Variants in LMX1A observed in about 807,000 individuals in gnomAD.
The protein encoded by LMX1A is LIM homeobox transcription factor 1-alpha.
In LMX1A, 15 loss-of-function variants were observed where a neutral mutation model predicts 49.1. The ratio of observed to expected loss-of-function variants is 0.31; its 90% CI spans 0.20 to 0.47. The LOEUF (loss-of-function observed/expected upper bound fraction) is 0.47, where lower values mean the gene tolerates loss of function less well. LMX1A is among the 20% of genes least tolerant of loss of function. The pLI, the probability that LMX1A is intolerant of heterozygous loss-of-function variation, is 1.00. For synonymous variants in LMX1A, 167 were observed against 185.7 expected (o/e 0.90, Z 0.82); for missense variants, 372 against 475.8 (o/e 0.78, Z 2.03).
At chr1:165,260,426 T>G (rs1275325612) in intron 3 of LMX1A, among the ~76,000 whole-genome samples, 1 of 151,992 alleles carries the variant, frequency 6.6e-6, no homozygotes, top group Admixed American at 6.5e-5. Context: ...GGGAAGATTC[T>G]GGGATCTCAG....
chr1:165,328,935 G>C (rs1655662370), intron 3 of LMX1A, among the ~76,000 whole-genome samples: 1 of 152,192 alleles, frequency 6.6e-6, no homozygotes, highest in Non-Finnish European at 1.5e-5. Flanking sequence ...ATGTGCATCA[G>C]GGCATACCTC....
rs1654480126 is a variant in LMX1A at position 165,291,938 on chromosome 1, T to G, written c.264-42298A>C. ...TTAGCCGGGCATGGTGGCGCGCGCT[T>G]GTAGTCCCAGCTACACGGGAGGCTG... On this transcript the variant is annotated intron_variant, in intron 3 of 8. Coordinates refer to ENST00000342310, the MANE Select transcript of LMX1A (RefSeq NM_177398.4). Among the ~76,000 whole-genome samples the G allele has an allele frequency of 3.3e-5, 5 of 151,830 alleles. 1 individual carries two copies. The highest frequency in any genetic ancestry group is 3.3e-4 in the Admixed American group (5 of 15,244).
intron 3 of LMX1A, among the ~76,000 whole-genome samples, chr1:165,305,616 A>G (rs1470674102): frequency 6.6e-6 from 1 of 152,214 alleles, no homozygotes; most frequent in Non-Finnish European, 1.5e-5. Context: ...AGCTAACTAC[A>G]CATTCCACAG....
intron 3 of LMX1A, among the ~76,000 whole-genome samples, chr1:165,291,979 G>T (rs1654482139): frequency 6.7e-6 from 1 of 149,468 alleles, no homozygotes; most frequent in Non-Finnish European, 1.5e-5. Flanking sequence ...GGAGAATGGC[G>T]TGAACCCGGG....
At chr1:165,206,104 T>G in intron 7 of LMX1A, 70 bp from the exon 8 acceptor site, 2 of 1,363,876 alleles carry the variant, frequency 1.5e-6, no homozygotes, top group Non-Finnish European at 1.0e-6. Flanking sequence ...TGGGTCCTGA[T>G]TCCCTCATTT....
At chr1:165,247,066 T>TTTTTTTTTTTTTTTTTTTTTTTTTTG (rs1652882328) in intron 4 of LMX1A, among the ~76,000 whole-genome samples, 1 of 132,040 alleles carries the variant, frequency 7.6e-6, no homozygotes, top group Non-Finnish European at 1.6e-5. Flanking sequence ...TTTTTTTTTT[T>TTTTTTTTTTTTTTTTTTTTTTTTTTG]TTTTTTTTTT....
chr1:165,272,085 G>T (rs1225274093), intron 3 of LMX1A, among the ~76,000 whole-genome samples: 2 of 152,128 alleles, frequency 1.3e-5, no homozygotes, highest in African/African-American at 4.8e-5. Flanking sequence ...GTGCCATGGT[G>T]GTTTGCTGCA....
chr1:165,355,601 A>T lies in LMX1A; in HGVS notation c.-22-20T>A. 1 of 1,591,620 alleles carries T rather than the reference A, an allele frequency of 6.3e-7. No individual in the cohort carries two copies. Among genetic ancestry groups the T allele is most frequent in the Non-Finnish European group, 8.6e-7 (1 of 1,163,312 alleles). On this transcript the variant is annotated intron_variant, in intron 1 of 8. Transcript: ENST00000342310. This position sits in a 1 kb window ranked among gnomAD's most constrained non-coding sequence, Gnocchi z 4.7. ...GAGGACCTGTAGAGGAGAAGAAACG[A>T]TGCGTCTGACGTCCGTGCCCGCTGG...
At position 165,203,669 on chromosome 1, in the gene LMX1A, A is replaced by T; in HGVS notation, c.*211T>A. 1 of 449,928 alleles carries T rather than the reference A, an allele frequency of 2.2e-6. No homozygotes were observed. The highest frequency in any genetic ancestry group is 4.0e-6 in the Non-Finnish European group (1 of 249,814). 27.9% of individuals were successfully genotyped at this position (449,928 alleles called of 1,614,324 possible). On this transcript the variant is annotated 3_prime_UTR_variant, in exon 9 of 9. Coordinates refer to ENST00000342310, the MANE Select transcript of LMX1A (RefSeq NM_177398.4). Reference sequence around the variant, plus strand: ...ACACGTCTTCATATCTAATGCTAAGACTCTTATTAGAAACATTAAACTATG... The same window carrying T: ...ACACGTCTTCATATCTAATGCTAAGTCTCTTATTAGAAACATTAAACTATG...
chr1:165,354,914 G>C (rs1656554341), intron 2 of LMX1A, among the ~76,000 whole-genome samples: 1 of 152,060 alleles, frequency 6.6e-6, no homozygotes, highest in African/African-American at 2.4e-5. Context: ...GAGTTGTGAG[G>C]GGGGACCCAC....
chr1:165,206,086 G>A (rs1269541114), intron 7 of LMX1A, 52 bp from the exon 8 acceptor site: 1 of 1,456,396 alleles, frequency 6.9e-7, no homozygotes. Context: ...CCTGGCATGT[G>A]ATTTCCCTGG....
intron 4 of LMX1A, among the ~76,000 whole-genome samples, chr1:165,244,907 C>CT (rs1652788682): frequency 6.6e-6 from 1 of 151,726 alleles, no homozygotes; most frequent in African/African-American, 2.4e-5. Context: ...CATTCATCTG[C>CT]TTGGGAGGCT....
chr1:165,291,387 AT>A (rs1485945902), intron 3 of LMX1A, among the ~76,000 whole-genome samples: 1 of 152,190 alleles, frequency 6.6e-6, no homozygotes, highest in Non-Finnish European at 1.5e-5. Flanking sequence ...AGGAGAGTTC[AT>A]TCTGGGCTTG....
intron 3 of LMX1A, among the ~76,000 whole-genome samples, chr1:165,306,523 G>A (rs1297909413): frequency 6.6e-6 from 1 of 152,212 alleles, no homozygotes; most frequent in Non-Finnish European, 1.5e-5. Flanking sequence ...CCAAGGGTGA[G>A]AATAAGTGTT....
At chr1:165,244,082 G>T (rs913946941) in intron 4 of LMX1A, among the ~76,000 whole-genome samples, 2 of 152,180 alleles carry the variant, frequency 1.3e-5, no homozygotes, top group African/African-American at 4.8e-5. Flanking sequence ...ATCAATCATT[G>T]CCTATGTAAT....
At chr1:165,262,627 G>A (rs1163185329) in intron 3 of LMX1A, among the ~76,000 whole-genome samples, 1 of 151,976 alleles carries the variant, frequency 6.6e-6, no homozygotes, top group Non-Finnish European at 1.5e-5. Context: ...TCCTATCAAG[G>A]GCTAACTCTT....
rs140059801 is a variant in LMX1A, at chr1:165,280,958, T to C, written c.264-31318A>G. Among the ~76,000 whole-genome samples, 340 of 152,252 alleles carry C rather than the reference T, an allele frequency of 2.2e-3. 1 individual carries two copies. The highest frequency in any genetic ancestry group is 2.9e-3 in the Non-Finnish European group (196 of 68,020). On this transcript the variant is annotated intron_variant, in intron 3 of 8. Transcript: ENST00000342310. ...TCTAGAGACCAGATTATGATCCTGA[T>C]GGATATGCTACTTACAAATTTATTG...
At chr1:165,226,887 T>C (rs1652055597) in intron 4 of LMX1A, among the ~76,000 whole-genome samples, 1 of 152,204 alleles carries the variant, frequency 6.6e-6, no homozygotes, top group South Asian at 2.1e-4. Context: ...CATCTAAACA[T>C]ATTTGTTGTG....
chr1:165,279,536 A>T (rs1654081311), intron 3 of LMX1A, among the ~76,000 whole-genome samples: 1 of 152,208 alleles, frequency 6.6e-6, no homozygotes, highest in African/African-American at 2.4e-5. Flanking sequence ...GCTGGTGCTG[A>T]TGCTTGGCTC....
Sources: gnomAD v4.1 joint callset for allele counts (sites outside exome capture counted in the v4.1 genomes callset) on GRCh38, gnomAD v4.1.1 for gene constraint, Gnocchi (gnomAD v3.1) non-coding constraint, MANE v1.5 for transcripts, NCBI Gene and HGNC (gene_info 2026-07-23, HGNC 2026-07-21) for gene names.